Variants in CHIC1 observed in about 807,000 individuals in gnomAD.
CHIC1 encodes cysteine rich hydrophobic domain 1.
In CHIC1, 7 loss-of-function variants were observed where a neutral mutation model predicts 18.5. The ratio of observed to expected loss-of-function variants is 0.38; its 90% CI spans 0.22 to 0.71. CHIC1 has a LOEUF of 0.71. Ranked by LOEUF, CHIC1 falls within the 30% of genes least tolerant of loss-of-function variation. The pLI is 0.49. For missense variants in CHIC1, 159 were observed against 176.9 expected (o/e 0.90, Z 0.57); for synonymous variants, 77 against 73.5 (o/e 1.05, Z -0.25).
At chrX:73,612,934 A>T (rs1877585272) in intron 3 of CHIC1, among the ~76,000 whole-genome samples, 1 of 111,649 alleles carries the variant, frequency 9.0e-6, no homozygotes, top group South Asian at 3.7e-4. Context: ...CTGTTATTGT[A>T]TTGGAGTTTA....
intron 3 of CHIC1, among the ~76,000 whole-genome samples, chrX:73,649,190 C>G (rs1569504280): frequency 9.0e-6 from 1 of 111,575 alleles, no homozygotes; most frequent in Non-Finnish European, 1.9e-5. Flanking sequence ...GCAAGAGCTC[C>G]TGAAGGAAGC....
At chrX:73,578,172 A>G (rs1341659195) in intron 2 of CHIC1, among the ~76,000 whole-genome samples, 1 of 110,672 alleles carries the variant, frequency 9.0e-6, no homozygotes, top group East Asian at 2.8e-4. Context: ...TAATTATTTT[A>G]CTGTGTATAT....
intron 1 of CHIC1, among the ~76,000 whole-genome samples, chrX:73,575,867 T>C (rs191023317): frequency 1.4e-4 from 16 of 110,932 alleles, no homozygotes; most frequent in Non-Finnish European, 2.7e-4. Context: ...AACTGTCCAA[T>C]TTTTAGAAAC....
rs267606509 is a variant in CHIC1 at position 73,680,995 on chromosome X, G to A, written c.665G>A (p.Arg222Gln). 3 of 1,105,681 alleles carry A rather than the reference G, an allele frequency of 2.7e-6. No individual in the cohort carries two copies. The highest frequency in any genetic ancestry group is 2.7e-5 in the Admixed American group (1 of 36,694). The allele number at this position is 1,105,681 out of a possible 1,213,427, so 91.1% of individuals were successfully genotyped here. The change falls in exon 6 of 6, where the codon CGA (arginine) becomes CAA (glutamine). Residue 222 changes from arginine to glutamine, a missense_variant. Coordinates refer to ENST00000373502, the MANE Select transcript of CHIC1 (RefSeq NM_001039840.4). Reference sequence around the variant, plus strand: ...TTCTTACCAAAATATCCCATATTCCGACCTGACTGAGGAGTTTTATCCAGT... The same window carrying A: ...TTCTTACCAAAATATCCCATATTCCAACCTGACTGAGGAGTTTTATCCAGT... ...IEFLPKYPIF[R>Q]PD
At chrX:73,658,773 C>T (rs2057964507) in intron 3 of CHIC1, among the ~76,000 whole-genome samples, 1 of 111,887 alleles carries the variant, frequency 8.9e-6, no homozygotes, top group Non-Finnish European at 1.9e-5. Flanking sequence ...GCATTTAGTG[C>T]TATAAATTTC....
At chrX:73,600,564 A>T (rs2057640779) in intron 3 of CHIC1, among the ~76,000 whole-genome samples, 1 of 108,257 alleles carries the variant, frequency 9.2e-6, no homozygotes, top group African/African-American at 3.6e-5. Context: ...ATTTTGTCAA[A>T]GGTTTTTTCT....
At chrX:73,638,678 C>T (rs912942376) in intron 3 of CHIC1, among the ~76,000 whole-genome samples, 1 of 111,314 alleles carries the variant, frequency 9.0e-6, no homozygotes, top group Non-Finnish European at 1.9e-5. Context: ...CTCCCTCCTC[C>T]TACCCTCCTT....
At chrX:73,671,053 G>A (rs2058027627) in intron 3 of CHIC1, among the ~76,000 whole-genome samples, 1 of 111,913 alleles carries the variant, frequency 8.9e-6, no homozygotes, top group Non-Finnish European at 1.9e-5. Context: ...TAAGTCTGAT[G>A]TTTGTTTTTT....
chrX:73,590,278 T>G (rs763682013), intron 3 of CHIC1, among the ~76,000 whole-genome samples: 19 of 111,019 alleles, frequency 1.7e-4, no homozygotes, highest in Non-Finnish European at 3.6e-4. Flanking sequence ...TTATTTTGTC[T>G]TCACTTTTTA....
Position 73,686,546 on chromosome X carries a change from CT to C in CHIC1, c.*5545del, listed in dbSNP as rs1405412105. 1.8e-5 allele frequency: 2 copies of C among 111,748 alleles called. No individual in the cohort carries two copies. The highest frequency in any genetic ancestry group is 3.8e-5 in the Non-Finnish European group (2 of 52,948). 9.2% of individuals were successfully genotyped at this position (111,748 alleles called of 1,213,427 possible). A position where few individuals can be genotyped will look rare whatever the true frequency, so the allele number is the denominator to read the frequency against. On this transcript the variant is annotated 3_prime_UTR_variant, in exon 6 of 6. Coordinates refer to ENST00000373502, the MANE Select transcript of CHIC1 (RefSeq NM_001039840.4). ...TCAAGGCAATAATTTCTCAAATGTT[CT>C]TTTATTTCTTTGTTTTTATCTCGAC...
intron 3 of CHIC1, among the ~76,000 whole-genome samples, chrX:73,588,498 C>T (rs188222415): frequency 1.8e-5 from 2 of 111,424 alleles, no homozygotes. Flanking sequence ...CAACCATCCA[C>T]TATCTAGTTT....
chrX:73,609,090 G>A (rs1350173024), intron 3 of CHIC1, among the ~76,000 whole-genome samples: 2 of 105,663 alleles, frequency 1.9e-5, no homozygotes, highest in Non-Finnish European at 3.8e-5. Flanking sequence ...AAGAGGTGGA[G>A]GTTGCAGTCA....
rs2058059291 is a variant in CHIC1, at chrX:73,675,844, T to C, written c.508-3482T>C. On this transcript the variant is annotated intron_variant, in intron 3 of 5. Coordinates refer to ENST00000373502, the MANE Select transcript of CHIC1 (RefSeq NM_001039840.4). ...CCTAGCCTCAATGGTCTTTACAATTTGGCATGTTTTTGCAGTGGCTGGTAC... is the reference window on the plus strand; with the variant it reads ...CCTAGCCTCAATGGTCTTTACAATTCGGCATGTTTTTGCAGTGGCTGGTAC... 7.2e-5 allele frequency among the ~76,000 whole-genome samples: 8 copies of C among 110,991 alleles called. No individual in the cohort carries two copies. The South Asian group carries it at 2.7e-3, about 38-fold the overall frequency.
chrX:73,675,322 A>T (rs1301967158), intron 3 of CHIC1, among the ~76,000 whole-genome samples: 2 of 111,385 alleles, frequency 1.8e-5, no homozygotes, highest in African/African-American at 6.5e-5. Context: ...TCTAATGTTG[A>T]CATTGGGGTG....
intron 3 of CHIC1, among the ~76,000 whole-genome samples, chrX:73,654,879 A>G (rs2057934489): frequency 9.0e-6 from 1 of 110,833 alleles, no homozygotes; most frequent in Non-Finnish European, 1.9e-5. Context: ...TCCTTTTTCA[A>G]TTTGATTTTA....
rs754449791 is a variant in CHIC1, at chrX:73,577,484, C to T, written c.351+23C>T. 8 of 1,085,081 alleles carry T rather than the reference C, an allele frequency of 7.4e-6. No homozygotes were observed. In the East Asian group the frequency reaches 2.4e-4, roughly 33 times the overall value. The allele number at this position is 1,085,081 out of a possible 1,213,427, so 89.4% of individuals were successfully genotyped here. A position where few individuals can be genotyped will look rare whatever the true frequency, so the allele number is the denominator to read the frequency against. On this transcript the variant is annotated intron_variant, in intron 2 of 5. Coordinates refer to ENST00000373502, the MANE Select transcript of CHIC1 (RefSeq NM_001039840.4). The stretch of plus-strand genomic sequence containing the variant: ...AAGGTAAGTGAGAATTTGCTTTGAA[C>T]TTTTCAGTTCTAAAGCATTGTTTTA...
intron 3 of CHIC1, among the ~76,000 whole-genome samples, chrX:73,602,947 C>A (rs767593554): frequency 9.2e-6 from 1 of 108,493 alleles, no homozygotes; most frequent in South Asian, 3.8e-4. Context: ...AGTCAGATAG[C>A]GTGATGCCTC....
rs760396245 is a variant in CHIC1 at position 73,594,142 on chromosome X, C to CTTTTGT, written c.507+9573_507+9574insTGTTTT. ...GTGAATGTTGTGTACAGGTGCTTTC[C>CTTTTGT]TTTGTTTTGTTTTGTTTTGTTTTGT... On this transcript the variant is annotated intron_variant, in intron 3 of 5. Transcript: ENST00000373502. Among the ~76,000 whole-genome samples the CTTTTGT allele has an allele frequency of 9.8e-5, 10 of 101,537 alleles. No homozygotes were observed. The East Asian group carries it at 1.8e-3, about 18-fold the overall frequency. The allele number at this position is 101,537 out of a possible 115,157, so 88.2% of individuals were successfully genotyped here.
chrX:73,647,112 G>T (rs760193127), intron 3 of CHIC1, among the ~76,000 whole-genome samples: 2 of 111,720 alleles, frequency 1.8e-5, no homozygotes, highest in Non-Finnish European at 3.8e-5. Flanking sequence ...TGGCTGAATG[G>T]AGGTGGGGAG....
Sources: gnomAD v4.1 joint callset for allele counts (sites outside exome capture counted in the v4.1 genomes callset) on GRCh38, gnomAD v4.1.1 for gene constraint, MANE v1.5 for transcripts, NCBI Gene and HGNC (gene_info 2026-07-23, HGNC 2026-07-21) for gene names.